GPHN: variants seen among roughly 807,000 people sequenced by gnomAD.
GPHN encodes the protein gephyrin.
GPHN carries 17 observed loss-of-function variants against 95.5 expected under a neutral mutation model. That is an observed-to-expected ratio of 0.18 (90% CI 0.12 to 0.27). GPHN has a LOEUF of 0.27. GPHN is among the 10% of genes least tolerant of loss of function. GPHN has a pLI of 1.00. For missense variants in GPHN, 660 were observed against 978.1 expected (o/e 0.67, Z 4.34); for synonymous variants, 320 against 322.5 (o/e 0.99, Z 0.08).
chr14:67,213,434 G>A, the GPHN span, among the ~76,000 whole-genome samples: 9 of 146,522 alleles, frequency 6.1e-5, no homozygotes, highest in Admixed American at 1.4e-4. Context: ...TTGTTCTTGC[G>A]ATAGTTTACT....
At chr14:66,885,400 C>T (rs2064137596) in intron 5 of GPHN, among the ~76,000 whole-genome samples, 1 of 152,084 alleles carries the variant, frequency 6.6e-6, no homozygotes, top group African/African-American at 2.4e-5. Context: ...CAATTTTAAC[C>T]TAGTGTGCTA....
intron 1 of GPHN, among the ~76,000 whole-genome samples, chr14:66,586,298 A>G (rs9671771): frequency 0.32 from 47,765 of 151,626 alleles, 11,537 homozygotes; most frequent in African/African-American, 0.65. Flanking sequence ...TGTGAGATGG[A>G]TTTCCTGAAT....
At chr14:67,376,415 T>C in the GPHN span, 1 of 1,567,072 alleles carries the variant, frequency 6.4e-7, no homozygotes, top group Middle Eastern at 1.8e-4. Context: ...CTTTGAATTG[T>C]TGAGCTTTTC....
At chr14:66,583,637 T>C (rs1174116186) in intron 1 of GPHN, among the ~76,000 whole-genome samples, 5 of 152,302 alleles carry the variant, frequency 3.3e-5, no homozygotes, top group Admixed American at 2.0e-4. Context: ...ATTTATTAAA[T>C]AGGGAATCCT....
At chr14:67,685,147 C>T in the GPHN span, 97 of 1,614,104 alleles carry the variant, frequency 6.0e-5, no homozygotes, top group Admixed American at 1.5e-3. Context: ...AGATGAGTGC[C>T]GAACCAGTTC....
chr14:66,597,138 C>T (rs900804836), intron 1 of GPHN, among the ~76,000 whole-genome samples: 3 of 152,108 alleles, frequency 2.0e-5, no homozygotes, highest in African/African-American at 7.2e-5. Flanking sequence ...AGCCATCAGC[C>T]AAGTTTCCAT....
chr14:66,702,651 G>A (rs1296624924), intron 2 of GPHN, among the ~76,000 whole-genome samples: 1 of 151,994 alleles, frequency 6.6e-6, no homozygotes, highest in Admixed American at 6.6e-5. Flanking sequence ...CCCATCCAAG[G>A]GTCAGCATCC....
rs113235297 is a variant in GPHN, at chr14:66,915,863, A to G, written c.390-140A>G. ...AGAATGCCTAATTTGTATAGCAAGC[A>G]GTGAATGTCTTAAGATAACACTTTT... On this transcript the variant is annotated intron_variant, in intron 5 of 22. Coordinates refer to ENST00000478722, the MANE Select transcript of GPHN (RefSeq NM_020806.5). The G allele has an allele frequency of 1.0e-3, 727 of 700,534 alleles. 11 individuals are homozygous for G. In the African/African-American group the frequency reaches 0.011, roughly 10 times the overall value. The allele number at this position is 700,534 out of a possible 1,614,324, so 43.4% of individuals were successfully genotyped here.
chr14:67,537,055 A>G, the GPHN span, among the ~76,000 whole-genome samples: 6 of 147,426 alleles, frequency 4.1e-5, no homozygotes, highest in Admixed American at 6.8e-5. Context: ...TAATAATAAT[A>G]AAATAAAAAC....
chr14:67,546,196 G>A, the GPHN span, among the ~76,000 whole-genome samples: 7 of 152,140 alleles, frequency 4.6e-5, no homozygotes, highest in South Asian at 2.1e-4. Context: ...GGTCAACGCC[G>A]GGGGAAGGGG....
At chr14:67,397,835 A>C in the GPHN span, 1 of 1,602,164 alleles carries the variant, frequency 6.2e-7, no homozygotes, top group Non-Finnish European at 8.5e-7. Flanking sequence ...CCCTATGGAC[A>C]GACAAGAAAG....
At chr14:67,214,941 G>A in the GPHN span, among the ~76,000 whole-genome samples, 2 of 152,088 alleles carry the variant, frequency 1.3e-5, no homozygotes, top group South Asian at 2.1e-4. Flanking sequence ...GTGAATGGGA[G>A]TTCACTCATG....
intron 8 of GPHN, among the ~76,000 whole-genome samples, chr14:66,928,605 T>C (rs541785427): frequency 3.3e-5 from 5 of 152,158 alleles, no homozygotes; most frequent in Non-Finnish European, 5.9e-5. Flanking sequence ...TTATCATGTG[T>C]CATTAGGTTG....
chr14:66,959,588 A>G (rs1471466095), intron 8 of GPHN, among the ~76,000 whole-genome samples: 3 of 152,130 alleles, frequency 2.0e-5, no homozygotes, highest in Non-Finnish European at 4.4e-5. Flanking sequence ...TGACCATATC[A>G]TTCCACTGCT....
intron 3 of GPHN, among the ~76,000 whole-genome samples, chr14:66,808,212 C>T (rs2060625208): frequency 1.3e-5 from 2 of 152,076 alleles, no homozygotes; most frequent in African/African-American, 4.8e-5. Flanking sequence ...GTCTTTTCTA[C>T]TTTTTAAGAA....
chr14:67,321,011 C>T, the GPHN span: 777 of 1,515,290 alleles, frequency 5.1e-4, 8 homozygotes, highest in East Asian at 0.014. Flanking sequence ...CCCCTGTCCT[C>T]ACTCTAAGCC....
At chr14:66,710,690 A>G (rs2069534567) in intron 2 of GPHN, among the ~76,000 whole-genome samples, 2 of 152,198 alleles carry the variant, frequency 1.3e-5, no homozygotes, top group African/African-American at 2.4e-5. Flanking sequence ...GTGTTGTACA[A>G]AAGTTAAGAG....
chr14:66,653,077 T>G (rs979284101), intron 1 of GPHN, among the ~76,000 whole-genome samples: 1 of 152,170 alleles, frequency 6.6e-6, no homozygotes, highest in African/African-American at 2.4e-5. Flanking sequence ...ACACCTTTCT[T>G]AGGAACTGTT....
chr14:67,627,792 C>T, the GPHN span, among the ~76,000 whole-genome samples: 2 of 152,128 alleles, frequency 1.3e-5, no homozygotes, highest in African/African-American at 4.8e-5. Context: ...AGTCTATTTC[C>T]ACAGCAAGGA....
Sources: allele counts gnomAD v4.1 joint callset (sites outside exome capture counted in the v4.1 genomes callset), GRCh38; gene constraint gnomAD v4.1.1; transcripts MANE v1.5; gene names NCBI Gene and HGNC (gene_info 2026-07-23, HGNC 2026-07-21).